The following ACSF3 variants were observed in gnomAD, a reference collection of about 807,000 sequenced individuals.
The protein encoded by ACSF3 is acyl-CoA synthetase family member 3.
Under a neutral mutation model 53.2 loss-of-function variants are expected in ACSF3, and 78 were observed. The ratio of observed to expected loss-of-function variants is 1.47; its 90% CI spans 1.22 to 1.77. The LOEUF is 1.77. Ranked by LOEUF, ACSF3 falls within the 40% of genes most tolerant of loss-of-function variation. The pLI, the probability that ACSF3 is intolerant of heterozygous loss-of-function variation, is 0.00. For synonymous variants in ACSF3, 414 were observed against 333.1 expected (o/e 1.24, Z -2.65); for missense variants, 937 against 771.1 (o/e 1.22, Z -2.55).
intron 6 of ACSF3, among the ~76,000 whole-genome samples, chr16:89,117,689 A>G (rs1293545940): frequency 4.6e-5 from 7 of 152,062 alleles, no homozygotes; most frequent in Non-Finnish European, 7.4e-5. Flanking sequence ...GAGGGCGCCA[A>G]GGAGCAGATA....
At position 89,154,885 on chromosome 16, in the gene ACSF3, C is replaced by G; in HGVS notation, c.*678C>G. 2.2e-6 allele frequency: 1 copy of G among 454,148 alleles called. No homozygotes were observed. The highest frequency in any genetic ancestry group is 4.4e-6 in the Non-Finnish European group (1 of 226,800). 28.1% of individuals were successfully genotyped at this position (454,148 alleles called of 1,614,324 possible). On this transcript the variant is annotated 3_prime_UTR_variant, in exon 11 of 11. Coordinates refer to ENST00000614302, the MANE Select transcript of ACSF3 (RefSeq NM_001243279.3). Reference sequence around the variant, plus strand: ...GCCCCGGAGCTGCTCTGCCGTGACCCTGCCTCACCCCCCAGCGCAGGGACT... The same window carrying G: ...GCCCCGGAGCTGCTCTGCCGTGACCGTGCCTCACCCCCCAGCGCAGGGACT...
chr16:89,120,211 G>A (rs978007446), intron 6 of ACSF3, among the ~76,000 whole-genome samples: 4 of 152,264 alleles, frequency 2.6e-5, no homozygotes, highest in Non-Finnish European at 4.4e-5. Context: ...GACTGTGCAG[G>A]TGGGATGGAT....
chr16:89,131,611 G>A (rs1280554494), intron 7 of ACSF3, among the ~76,000 whole-genome samples: 1 of 152,180 alleles, frequency 6.6e-6, no homozygotes, highest in Non-Finnish European at 1.5e-5. Context: ...AGATGTTGAG[G>A]TGTTTGTTTT....
At position 89,146,045 on chromosome 16, in the gene ACSF3, G is replaced by C; in HGVS notation, c.1609G>C (p.Ala537Pro). Residue 537 changes from alanine to proline, a missense_variant, in exon 10 of 11, where the codon GCC (alanine) becomes CCC (proline). Ala to Pro is a conservative substitution (Grantham distance 27). Transcript: ENST00000614302. ...SLSHRELKEW[A>P]RNVLAPYAVP... ...GTCCCACAGGGAGCTCAAAGAGTGG[G>C]CCAGGTAGGGCTGGGTGGGGCGGGC... is the stretch of plus-strand genomic sequence containing the variant. The C allele has an allele frequency of 1.4e-6, 1 of 694,610 alleles. No homozygotes were observed. The highest frequency in any genetic ancestry group is 2.5e-6 in the Non-Finnish European group (1 of 401,652). The allele number at this position is 694,610 out of a possible 1,614,324, so 43.0% of individuals were successfully genotyped here. A position where few individuals can be genotyped will look rare whatever the true frequency, so the allele number is the denominator to read the frequency against.
intron 8 of ACSF3, among the ~76,000 whole-genome samples, chr16:89,140,859 T>G (rs998171588): frequency 6.6e-6 from 1 of 152,150 alleles, no homozygotes; most frequent in African/African-American, 2.4e-5. Flanking sequence ...AGCACCAAAT[T>G]CAAAAGCAGC....
chr16:89,132,358 T>C (rs1909513537), intron 7 of ACSF3, among the ~76,000 whole-genome samples: 1 of 152,212 alleles, frequency 6.6e-6, no homozygotes, highest in Non-Finnish European at 1.5e-5. Flanking sequence ...CAGACCCTCC[T>C]GACCTATGAG....
Position 89,102,728 on chromosome 16 carries a change from G to A in ACSF3, c.791G>A (p.Cys264Tyr). ...TGTCCTCTCTGGGTGGGAGCCACCT[G>A]TGTGATGATGCCTGAGTTCAGCCCT... ...LLCPLWVGAT[C>Y]VMMPEFSPQQ... Residue 264 changes from cysteine (C) to tyrosine (Y), a missense_variant, in exon 4 of 11, where the codon TGT becomes TAT. Transcript: ENST00000614302. 2 of 1,612,852 alleles carry A rather than the reference G, an allele frequency of 1.2e-6. No individual in the cohort carries two copies. The highest frequency in any genetic ancestry group is 2.2e-5 in the South Asian group (2 of 91,062).
intron 4 of ACSF3, among the ~76,000 whole-genome samples, chr16:89,107,470 G>A (rs1976145335): frequency 6.6e-6 from 1 of 152,174 alleles, no homozygotes; most frequent in African/African-American, 2.4e-5. Flanking sequence ...CTACACGCGT[G>A]CTCCGTTTTC....
chr16:89,124,974 G>A (rs1014670327), intron 7 of ACSF3, among the ~76,000 whole-genome samples: 6 of 152,182 alleles, frequency 3.9e-5, no homozygotes, highest in African/African-American at 1.4e-4. Flanking sequence ...TTTATAGTAG[G>A]TCTTAACAAT....
intron 8 of ACSF3, among the ~76,000 whole-genome samples, chr16:89,134,544 C>T (rs970464644): frequency 2.6e-5 from 4 of 152,094 alleles, no homozygotes; most frequent in Admixed American, 2.0e-4. Flanking sequence ...CAACTTGAGC[C>T]GTAACTACCA....
At chr16:89,139,351 C>T (rs1459573298) in intron 8 of ACSF3, among the ~76,000 whole-genome samples, 2 of 152,118 alleles carry the variant, frequency 1.3e-5, no homozygotes, top group East Asian at 3.9e-4. Context: ...CCCTCTTCCG[C>T]CCCCAGCTGT....
At chr16:89,106,114 C>T (rs1392937700) in intron 4 of ACSF3, among the ~76,000 whole-genome samples, 4 of 152,196 alleles carry the variant, frequency 2.6e-5, no homozygotes, top group Non-Finnish European at 4.4e-5. Flanking sequence ...ATTTCTGCTC[C>T]GAGAGTGTCT....
At chr16:89,131,015 T>G (rs2151513112) in intron 7 of ACSF3, among the ~76,000 whole-genome samples, 1 of 152,236 alleles carries the variant, frequency 6.6e-6, no homozygotes, top group South Asian at 2.1e-4. Context: ...ATTTTTCAGT[T>G]TTTAAATTAT....
rs115148797 is a variant in ACSF3, at chr16:89,099,860, A to T, written c.-20-802A>T. 8.4e-3 allele frequency among the ~76,000 whole-genome samples: 1,278 copies of T among 151,930 alleles called. 17 individuals are homozygous for T. Among genetic ancestry groups the T allele is most frequent in the African/African-American group, 0.03 (1,233 of 41,386 alleles). On this transcript the variant is annotated intron_variant, in intron 2 of 10. Coordinates refer to ENST00000614302, the MANE Select transcript of ACSF3 (RefSeq NM_001243279.3). Reference sequence around the variant, plus strand: ...AAAGAGAGAGAGAGAAAGGAAAAAAAGGTGAGAGAGAGGAGAGAGAGAAAG... The same window carrying T: ...AAAGAGAGAGAGAGAAAGGAAAAAATGGTGAGAGAGAGGAGAGAGAGAAAG...
At chr16:89,119,555 A>G (rs1316068391) in intron 6 of ACSF3, among the ~76,000 whole-genome samples, 1 of 152,212 alleles carries the variant, frequency 6.6e-6, no homozygotes, top group African/African-American at 2.4e-5. Context: ...ACCCCCATTT[A>G]AAAATCTTCA....
chr16:89,125,560 A>G (rs1907834656), intron 7 of ACSF3, among the ~76,000 whole-genome samples: 1 of 150,534 alleles, frequency 6.6e-6, no homozygotes, highest in Admixed American at 6.6e-5. Flanking sequence ...GTGTGGTGGC[A>G]CACGCCTGTA....
chr16:89,144,755 C>T (rs1335980362), intron 8 of ACSF3, among the ~76,000 whole-genome samples: 1 of 152,202 alleles, frequency 6.6e-6, no homozygotes, highest in Non-Finnish European at 1.5e-5. Flanking sequence ...GGAGGCCCAG[C>T]ACACCCTGGC....
At chr16:89,103,379 T>C (rs1975596250) in intron 4 of ACSF3, among the ~76,000 whole-genome samples, 1 of 152,254 alleles carries the variant, frequency 6.6e-6, no homozygotes, top group Admixed American at 6.5e-5. Flanking sequence ...GTCAGGAGGC[T>C]CCAGGGCAAA....
chr16:89,144,700 C>G (rs531395739), intron 8 of ACSF3, among the ~76,000 whole-genome samples: 1 of 152,358 alleles, frequency 6.6e-6, no homozygotes, highest in African/African-American at 2.4e-5. Flanking sequence ...GCTGCAGTCC[C>G]AGGGGCTCCG....
Sources: allele counts gnomAD v4.1 joint callset (sites outside exome capture counted in the v4.1 genomes callset), GRCh38; gene constraint gnomAD v4.1.1; transcripts MANE v1.5; gene names NCBI Gene and HGNC (gene_info 2026-07-23, HGNC 2026-07-21).